Variants in NT5C2 observed in about 807,000 individuals in gnomAD.
NT5C2 encodes the protein 5'-nucleotidase, cytosolic II, also known as cytosolic purine 5'-nucleotidase.
Under a neutral mutation model 76.1 loss-of-function variants are expected in NT5C2, and 58 were observed. The ratio of observed to expected loss-of-function variants is 0.76; its 90% CI spans 0.62 to 0.95. NT5C2 has a LOEUF of 0.95. NT5C2 is among the 40% of genes least tolerant of loss of function. NT5C2 has a pLI of 0.00. For synonymous variants in NT5C2, 229 were observed against 237.4 expected (o/e 0.96, Z 0.32); for missense variants, 478 against 690.3 (o/e 0.69, Z 3.45).
At chr10:103,096,958 T>G (rs1002660936) in intron 11 of NT5C2, among the ~76,000 whole-genome samples, 1 of 147,240 alleles carries the variant, frequency 6.8e-6, no homozygotes, top group African/African-American at 2.5e-5. Context: ...AAGTCATACA[T>G]ACACATCAAT....
At chr10:103,131,241 AATCT>A (rs1439248750) in intron 4 of NT5C2, among the ~76,000 whole-genome samples, 1 of 152,222 alleles carries the variant, frequency 6.6e-6, no homozygotes, top group Non-Finnish European at 1.5e-5. Context: ...GAAAACTAGT[AATCT>A]ATCTATGCTG....
At position 103,099,938 on chromosome 10, in the gene NT5C2, C is replaced by T; in HGVS notation, c.621G>A (p.Trp207Ter). The T allele has an allele frequency of 1.2e-6, 2 of 1,609,264 alleles. No individual in the cohort carries two copies. Among genetic ancestry groups the T allele is most frequent in the Non-Finnish European group, 1.7e-6 (2 of 1,175,972 alleles). Residue 207 changes from tryptophan (W) to a stop codon, truncating the protein, a stop_gained, in exon 9 of 19, where the codon TGG becomes TGA. Transcript: ENST00000404739. LOFTEE classifies it high-confidence loss of function. ...MFQDVRDAVD[W>*]VHYKGSLKEK... The stretch of plus-strand genomic sequence containing the variant: ...AGCTTCTAGGTACCTTGTAATGAAC[C>T]CAGTCAACAGCATCTCTTACATCCT...
At chr10:103,178,239 T>C (rs555332380) in intron 2 of NT5C2, among the ~76,000 whole-genome samples, 2 of 152,288 alleles carry the variant, frequency 1.3e-5, no homozygotes, top group South Asian at 4.1e-4. Flanking sequence ...CTAAACGTAA[T>C]ATCTAAAACT....
intron 4 of NT5C2, among the ~76,000 whole-genome samples, chr10:103,109,375 A>AT (rs1198201931): frequency 1.3e-5 from 2 of 152,194 alleles, no homozygotes; most frequent in Non-Finnish European, 2.9e-5. Context: ...TAAATTTGTT[A>AT]TAAGTATAAC....
rs576234674 is a variant in NT5C2, at chr10:103,093,178, C to T, written c.1120G>A (p.Glu374Lys). 1 of 1,611,094 alleles carries T rather than the reference C, an allele frequency of 6.2e-7. No individual in the cohort carries two copies. Among genetic ancestry groups the T allele is most frequent in the South Asian group, 1.1e-5 (1 of 90,142 alleles). The change falls in exon 15 of 19, where the codon GAA (glutamate) becomes AAA (lysine). Residue 374 changes from glutamate (E) to lysine (K), a missense_variant. Physicochemically the swap from Glu to Lys is moderately conservative, Grantham distance 56. Transcript: ENST00000404739. ...QGWRTFLVIP[E>K]LAQELHVWTD... ...CAGACATGTAGCTCCTGTGCGAGTT[C>T]AGGAATCACCAAAAAAGTTCGCCAC...
chr10:103,178,701 G>GC (rs1564638695), intron 2 of NT5C2, among the ~76,000 whole-genome samples: 1 of 151,480 alleles, frequency 6.6e-6, no homozygotes, highest in African/African-American at 2.4e-5. Flanking sequence ...ATGGTGGCAC[G>GC]CATCTGTAAT....
chr10:103,094,206 A>G lies in NT5C2; in HGVS notation c.921+142T>C, dbSNP rs929112103. The G allele has an allele frequency of 4.4e-6, 3 of 681,266 alleles. No homozygotes were observed. The Admixed American group carries it at 8.7e-5, about 20-fold the overall frequency. 42.2% of individuals were successfully genotyped at this position (681,266 alleles called of 1,614,324 possible). A position where few individuals can be genotyped will look rare whatever the true frequency, so the allele number is the denominator to read the frequency against. On this transcript the variant is annotated intron_variant, in intron 13 of 18. Coordinates refer to ENST00000404739, the MANE Select transcript of NT5C2 (RefSeq NM_001351169.2). ...GTGGGTTTGTTTGACTGTTTCAGTT[A>G]AGACCAAAACTCTTAATTTCAAAAG...
intron 1 of NT5C2, among the ~76,000 whole-genome samples, chr10:103,184,171 C>T (rs1017396927): frequency 2.0e-5 from 3 of 152,102 alleles, no homozygotes; most frequent in Admixed American, 1.3e-4. Context: ...AGGCTGGTCT[C>T]GAATTCCTGA....
chr10:103,091,129 G>C (rs777148225), intron 16 of NT5C2, 133 bp from the exon 17 acceptor site: 2 of 730,464 alleles, frequency 2.7e-6, no homozygotes, highest in Non-Finnish European at 4.6e-6. Flanking sequence ...CTGCCTCCCA[G>C]CTTCAAGCGA....
intron 10 of NT5C2, chr10:103,098,498 A>C (rs1279182857): frequency 5.4e-6 from 1 of 186,626 alleles, no homozygotes; most frequent in Non-Finnish European, 1.1e-5. Flanking sequence ...GACCTCTGGC[A>C]AGTTATTTAA....
At position 103,094,056 on chromosome 10, in the gene NT5C2, A is replaced by G; in HGVS notation, c.922-18T>C. ...CCAGTTTTCTGTATGAAGAATATGGATTTTGTAATACTTTATCATCCTATC... is the reference window on the plus strand; with the variant it reads ...CCAGTTTTCTGTATGAAGAATATGGGTTTTGTAATACTTTATCATCCTATC... On this transcript the variant is annotated intron_variant, in intron 13 of 18. Transcript: ENST00000404739. 1 of 1,598,584 alleles carries G rather than the reference A, an allele frequency of 6.3e-7. No individual in the cohort carries two copies. The highest frequency in any genetic ancestry group is 8.6e-7 in the Non-Finnish European group (1 of 1,166,080).
intron 3 of NT5C2, chr10:103,146,000 G>C (rs1444850527): frequency 5.3e-6 from 5 of 941,954 alleles, no homozygotes; most frequent in Non-Finnish European, 5.1e-6. Flanking sequence ...AATCTTAATG[G>C]CTTTAACTTG....
chr10:103,101,771 G>A (rs1165828570), intron 6 of NT5C2, among the ~76,000 whole-genome samples: 1 of 152,068 alleles, frequency 6.6e-6, no homozygotes, highest in Non-Finnish European at 1.5e-5. Context: ...AACCAAAGAA[G>A]GGAACACCAT....
At chr10:103,114,120 C>T (rs2073756484) in intron 4 of NT5C2, among the ~76,000 whole-genome samples, 1 of 152,172 alleles carries the variant, frequency 6.6e-6, no homozygotes, top group African/African-American at 2.4e-5. Flanking sequence ...AACTGTATAA[C>T]ACTGACCCAA....
intron 4 of NT5C2, among the ~76,000 whole-genome samples, chr10:103,109,399 C>A (rs1361070120): frequency 6.6e-6 from 1 of 152,126 alleles, no homozygotes; most frequent in African/African-American, 2.4e-5. Context: ...TCTCACCTTA[C>A]CCTCCTCAAT....
intron 11 of NT5C2, among the ~76,000 whole-genome samples, chr10:103,096,419 C>G (rs571521346): frequency 3.3e-5 from 5 of 152,206 alleles, no homozygotes; most frequent in African/African-American, 1.2e-4. Context: ...ACATGTACAG[C>G]GAATTGGGGG....
intron 3 of NT5C2, among the ~76,000 whole-genome samples, chr10:103,159,251 GCACACACACACACACACA>G (rs57117670): frequency 5.3e-5 from 7 of 133,286 alleles, no homozygotes; most frequent in African/African-American, 1.1e-4. Context: ...TCCAAAACAT[GCACACACACACACACACA>G]CACACACACA....
chr10:103,129,347 T>TTGA, intron 4 of NT5C2, among the ~76,000 whole-genome samples: 1 of 68,150 alleles, frequency 1.5e-5, no homozygotes, highest in Non-Finnish European at 2.8e-5. Flanking sequence ...GGGAGGGAGG[T>TTGA]GGGGGGGTCA....
chr10:103,189,997 CT>C lies in NT5C2; in HGVS notation c.-169+3238del, dbSNP rs1239145078. ...TTTGCCGCATTAATTTTGTGGCTTT[CT>C]TTTTTTTTTTTTTTTTTTTTGAGAC... On this transcript the variant is annotated intron_variant, in intron 1 of 18. Coordinates refer to ENST00000404739, the MANE Select transcript of NT5C2 (RefSeq NM_001351169.2). Among the ~76,000 whole-genome samples, 82 of 108,044 alleles carry C rather than the reference CT, an allele frequency of 7.6e-4. 2 individuals are homozygous for C. Among genetic ancestry groups the C allele is most frequent in the Middle Eastern group, 6.1e-3 (1 of 164 alleles). The allele number at this position is 108,044 out of a possible 152,430, so 70.9% of individuals were successfully genotyped here. A position where few individuals can be genotyped will look rare whatever the true frequency, so the allele number is the denominator to read the frequency against.
Sources: gnomAD v4.1 joint callset for allele counts (sites outside exome capture counted in the v4.1 genomes callset) on GRCh38, gnomAD v4.1.1 for gene constraint, MANE v1.5 for transcripts, NCBI Gene and HGNC (gene_info 2026-07-23, HGNC 2026-07-21) for gene names.